GRIA4: variants seen among roughly 807,000 people sequenced by gnomAD.
GRIA4 encodes glutamate receptor 4.
A neutral mutation model predicts 104.0 loss-of-function variants in GRIA4; 34 were observed. That is an observed-to-expected ratio of 0.33 (90% CI 0.25 to 0.44). The LOEUF (loss-of-function observed/expected upper bound fraction) is 0.44, where lower values mean the gene tolerates loss of function less well. Ranked by LOEUF, GRIA4 falls within the 20% of genes least tolerant of loss-of-function variation. The pLI, the probability that GRIA4 is intolerant of heterozygous loss-of-function variation, is 1.00. For synonymous variants in GRIA4, 386 were observed against 381.9 expected (o/e 1.01, Z -0.13); for missense variants, 750 against 1,096.5 (o/e 0.68, Z 4.46).
chr11:105,727,277 A>C (rs968893204), intron 3 of GRIA4, among the ~76,000 whole-genome samples: 12 of 152,036 alleles, frequency 7.9e-5, no homozygotes, highest in Non-Finnish European at 5.9e-5. Context: ...AGCGGAAGAA[A>C]GGATATCAGA....
At chr11:105,754,328 T>C (rs1940180180) in intron 4 of GRIA4, among the ~76,000 whole-genome samples, 2 of 152,192 alleles carry the variant, frequency 1.3e-5, no homozygotes, top group Admixed American at 1.3e-4. Context: ...AGTTGTAACA[T>C]AAATATGTTA....
intron 4 of GRIA4, among the ~76,000 whole-genome samples, chr11:105,787,538 C>A (rs1294292168): frequency 1.6e-5 from 2 of 127,348 alleles, no homozygotes; most frequent in Non-Finnish European, 3.1e-5. Flanking sequence ...TGCAATGGAG[C>A]GATCTCAGCT....
At chr11:105,774,937 T>C (rs1941385179) in intron 4 of GRIA4, among the ~76,000 whole-genome samples, 1 of 152,138 alleles carries the variant, frequency 6.6e-6, no homozygotes, top group South Asian at 2.1e-4. Context: ...ACATTTATTC[T>C]CCCTCAATCC....
chr11:105,824,327 C>T (rs1396558036), intron 4 of GRIA4, among the ~76,000 whole-genome samples: 1 of 151,994 alleles, frequency 6.6e-6, no homozygotes, highest in African/African-American at 2.4e-5. Flanking sequence ...ATGGTGTATA[C>T]TTCTTTATTC....
intron 4 of GRIA4, among the ~76,000 whole-genome samples, chr11:105,816,327 T>G (rs894658829): frequency 6.6e-6 from 1 of 152,180 alleles, no homozygotes; most frequent in African/African-American, 2.4e-5. Flanking sequence ...TGGGAGATAA[T>G]TGGATCATGG....
At chr11:105,873,752 C>T (rs1945710787) in intron 5 of GRIA4, among the ~76,000 whole-genome samples, 1 of 152,080 alleles carries the variant, frequency 6.6e-6, no homozygotes, top group African/African-American at 2.4e-5. Flanking sequence ...ACTTTGCTCA[C>T]TTTTTGATGG....
intron 4 of GRIA4, among the ~76,000 whole-genome samples, chr11:105,856,023 C>T (rs1411196695): frequency 6.6e-6 from 1 of 152,138 alleles, no homozygotes; most frequent in Non-Finnish European, 1.5e-5. Context: ...TAGTCTGACT[C>T]AAATCATCTC....
intron 5 of GRIA4, among the ~76,000 whole-genome samples, chr11:105,878,829 C>T (rs943452420): frequency 7.2e-5 from 11 of 152,196 alleles, no homozygotes; most frequent in African/African-American, 1.2e-4. Context: ...TGCTGGGCTC[C>T]GTAGGGGTGG....
intron 3 of GRIA4, among the ~76,000 whole-genome samples, chr11:105,708,560 T>A (rs1318931382): frequency 6.6e-6 from 1 of 152,064 alleles, no homozygotes; most frequent in East Asian, 1.9e-4. Flanking sequence ...AGAACTTAGG[T>A]AATTTGGGAA....
intron 3 of GRIA4, among the ~76,000 whole-genome samples, chr11:105,690,090 GTC>G (rs1234726278): frequency 6.6e-6 from 1 of 152,192 alleles, no homozygotes; most frequent in East Asian, 1.9e-4. Flanking sequence ...TTCCCTTAGT[GTC>G]TATACTTACA....
At chr11:105,711,817 G>C (rs990242776) in intron 3 of GRIA4, among the ~76,000 whole-genome samples, 61 of 152,184 alleles carry the variant, frequency 4.0e-4, no homozygotes, top group African/African-American at 1.4e-3. Context: ...AGGCCTTGAG[G>C]CTCAATTCCA....
intron 4 of GRIA4, among the ~76,000 whole-genome samples, chr11:105,853,759 ACAAT>A (rs1944906325): frequency 2.0e-5 from 3 of 152,118 alleles, no homozygotes. Context: ...AGAAAAGCAA[ACAAT>A]CAACACTCTC....
At chr11:105,627,358 G>C (rs1950913244) in intron 3 of GRIA4, among the ~76,000 whole-genome samples, 2 of 152,062 alleles carry the variant, frequency 1.3e-5, no homozygotes, top group Non-Finnish European at 1.5e-5. Context: ...GCGAGGCAGG[G>C]AGGGGCCTTG....
intron 3 of GRIA4, among the ~76,000 whole-genome samples, chr11:105,659,673 CTAAAGCTTGT>C (rs1250628322): frequency 6.6e-6 from 1 of 151,838 alleles, no homozygotes; most frequent in Non-Finnish European, 1.5e-5. Flanking sequence ...ACAGCTTAAA[CTAAAGCTTGT>C]TAATTGACAA....
chr11:105,851,510 A>T (rs980952101), intron 4 of GRIA4, among the ~76,000 whole-genome samples: 1 of 152,192 alleles, frequency 6.6e-6, no homozygotes, highest in Non-Finnish European at 1.5e-5. Flanking sequence ...ATGTAAAGAA[A>T]AAAGACAACA....
intron 3 of GRIA4, among the ~76,000 whole-genome samples, chr11:105,669,768 G>C (rs1952301275): frequency 6.6e-6 from 1 of 152,128 alleles, no homozygotes; most frequent in South Asian, 2.1e-4. Flanking sequence ...AACACTGTGT[G>C]TCAAGGTATT....
chr11:105,892,904 ACAGCAGAAATGTTACC>A (rs1946507471), intron 6 of GRIA4, among the ~76,000 whole-genome samples: 1 of 152,214 alleles, frequency 6.6e-6, no homozygotes, highest in Non-Finnish European at 1.5e-5. Context: ...AATGCAAAAT[ACAGCAGAAATGTTACC>A]TGAATTAAGT....
intron 9 of GRIA4, among the ~76,000 whole-genome samples, chr11:105,909,109 T>A (rs186123485): frequency 4.3e-4 from 65 of 152,312 alleles, no homozygotes; most frequent in African/African-American, 1.5e-3. Context: ...CCAAGAAGTG[T>A]AGCAAGCCGT....
rs550179440 is a variant in GRIA4 at position 105,642,048 on chromosome 11, C to T, written c.247+29614C>T. ...GTCTTCCCTCTCTGCATGTCTGTGT[C>T]CTAATTCCTCTTTTTATGAGAACAC... is the stretch of plus-strand genomic sequence containing the variant. On this transcript the variant is annotated intron_variant, in intron 3 of 16. Coordinates refer to ENST00000282499, the MANE Select transcript of GRIA4 (RefSeq NM_000829.4). Among the ~76,000 whole-genome samples the T allele has an allele frequency of 7.2e-5, 11 of 152,192 alleles. No homozygotes were observed. The East Asian group carries it at 1.2e-3, about 16-fold the overall frequency.
Sources: allele counts gnomAD v4.1 joint callset (sites outside exome capture counted in the v4.1 genomes callset), GRCh38; gene constraint gnomAD v4.1.1; transcripts MANE v1.5; gene names NCBI Gene and HGNC (gene_info 2026-07-23, HGNC 2026-07-21).